OSBPL9: variants seen among roughly 807,000 people sequenced by gnomAD.
The protein encoded by OSBPL9 is oxysterol-binding protein-related protein 9.
In OSBPL9, 40 loss-of-function variants were observed where a neutral mutation model predicts 106.6. The ratio of observed to expected loss-of-function variants is 0.38; its 90% CI spans 0.29 to 0.49. OSBPL9 has a LOEUF of 0.49. Ranked by LOEUF, OSBPL9 falls within the 20% of genes least tolerant of loss-of-function variation. The probability of loss-of-function intolerance (pLI) is 0.97; values close to 1 mark genes in which losing one functional copy is unlikely to be tolerated. For missense variants in OSBPL9, 609 were observed against 887.2 expected (o/e 0.69, Z 3.98); for synonymous variants, 269 against 295.4 (o/e 0.91, Z 0.92).
intron 3 of OSBPL9, among the ~76,000 whole-genome samples, chr1:51,699,833 G>A (rs1656853817): frequency 6.6e-6 from 1 of 152,016 alleles, no homozygotes; most frequent in Non-Finnish European, 1.5e-5. Flanking sequence ...AAACATGAAT[G>A]TTACATACAT....
intron 1 of OSBPL9, among the ~76,000 whole-genome samples, chr1:51,621,028 T>C (rs1465422467): frequency 6.6e-6 from 1 of 152,138 alleles, no homozygotes; most frequent in Non-Finnish European, 1.5e-5. Flanking sequence ...GTGCCCAGCC[T>C]ATTATAGAAA....
At chr1:51,658,041 G>A (rs1177904339) in intron 2 of OSBPL9, among the ~76,000 whole-genome samples, 4 of 151,888 alleles carry the variant, frequency 2.6e-5, no homozygotes, top group African/African-American at 9.7e-5. Flanking sequence ...GCAGGAGGTC[G>A]AGGCTGCAGT....
chr1:51,760,917 C>A, intron 10 of OSBPL9, 137 bp downstream of exon 10: 2 of 871,350 alleles, frequency 2.3e-6, no homozygotes, highest in Non-Finnish European at 3.5e-6. Context: ...ATAATACAGC[C>A]AAAAGTGAAC....
chr1:51,679,653 T>G (rs1652074244), intron 3 of OSBPL9, among the ~76,000 whole-genome samples: 1 of 152,238 alleles, frequency 6.6e-6, no homozygotes, highest in Admixed American at 6.5e-5. Flanking sequence ...CACTTGGGTG[T>G]GAATCATCCT....
At chr1:51,677,077 A>C (rs1651421909) in intron 3 of OSBPL9, among the ~76,000 whole-genome samples, 1 of 152,222 alleles carries the variant, frequency 6.6e-6, no homozygotes, top group African/African-American at 2.4e-5. Context: ...AGATTCGTGC[A>C]CATGTTGGTC....
chr1:51,769,462 G>A (rs1673353136), intron 12 of OSBPL9, among the ~76,000 whole-genome samples: 1 of 152,224 alleles, frequency 6.6e-6, no homozygotes, highest in African/African-American at 2.4e-5. Flanking sequence ...ACCAGTCATT[G>A]AACCTCCGAG....
chr1:51,717,757 A>G (rs1022642620), intron 4 of OSBPL9, among the ~76,000 whole-genome samples: 1 of 151,872 alleles, frequency 6.6e-6, no homozygotes, highest in Non-Finnish European at 1.5e-5. Flanking sequence ...ATACACTATT[A>G]GTAGGAATGT....
intron 3 of OSBPL9, among the ~76,000 whole-genome samples, chr1:51,681,295 G>C (rs1652506120): frequency 6.6e-6 from 1 of 152,046 alleles, no homozygotes; most frequent in Non-Finnish European, 1.5e-5. Context: ...GTATAGGAGG[G>C]TATATTCTTA....
intron 1 of OSBPL9, among the ~76,000 whole-genome samples, chr1:51,584,589 G>T (rs1486036956): frequency 6.6e-6 from 1 of 152,146 alleles, no homozygotes; most frequent in African/African-American, 2.4e-5. Context: ...TGTGGTGGGT[G>T]CCTGTAATCC....
At chr1:51,573,749 G>A (rs1570522282), upstream of OSBPL9, among the ~76,000 whole-genome samples, 1 of 151,250 alleles carries the variant, frequency 6.6e-6, no homozygotes, top group African/African-American at 2.4e-5. Flanking sequence ...GGGAGGCGGA[G>A]GTTGCAGTGA....
In OSBPL9 at chr1:51,788,558, C is replaced by CACTT. The variant is rs1678254214; in HGVS notation, c.*770_*773dup. The CACTT allele has an allele frequency of 6.6e-6, 1 of 152,362 alleles. No homozygotes were observed. Among genetic ancestry groups the CACTT allele is most frequent in the Non-Finnish European group, 1.5e-5 (1 of 68,018 alleles). The allele number at this position is 152,362 out of a possible 1,614,324, so 9.4% of individuals were successfully genotyped here. A position where few individuals can be genotyped will look rare whatever the true frequency, so the allele number is the denominator to read the frequency against. On this transcript the variant is annotated 3_prime_UTR_variant, in exon 24 of 24. Transcript: ENST00000428468. ...CAAGAGCTAGCTTTTCAAAGAAAGA[C>CACTT]ACTTGAAATAATGGAGGATCCATTC...
At chr1:51,730,093 C>T in intron 4 of OSBPL9, 4 of 1,256,948 alleles carry the variant, frequency 3.2e-6, no homozygotes, top group Non-Finnish European at 4.0e-6. Context: ...GAATGTCGTG[C>T]TCACCCTGCC....
At chr1:51,633,053 T>A (rs1163542127) in intron 1 of OSBPL9, among the ~76,000 whole-genome samples, 1 of 151,882 alleles carries the variant, frequency 6.6e-6, no homozygotes, top group Non-Finnish European at 1.5e-5. Context: ...ACCTCCTGGG[T>A]TCAAGCAATT....
chr1:51,642,571 T>G (rs1285271997), intron 1 of OSBPL9, among the ~76,000 whole-genome samples: 1 of 152,078 alleles, frequency 6.6e-6, no homozygotes, highest in African/African-American at 2.4e-5. Context: ...CAAGGAAAAA[T>G]TATTTTTCTC....
intron 3 of OSBPL9, among the ~76,000 whole-genome samples, chr1:51,686,087 G>A (rs998992552): frequency 6.6e-6 from 1 of 151,966 alleles, no homozygotes; most frequent in Non-Finnish European, 1.5e-5. Context: ...TTCTTGGAGG[G>A]GATGATTGTA....
chr1:51,662,524 C>T (rs988394388), intron 2 of OSBPL9, among the ~76,000 whole-genome samples: 4 of 151,992 alleles, frequency 2.6e-5, no homozygotes, highest in East Asian at 1.9e-4. Context: ...AATTTCTACC[C>T]GATGGCTGCT....
At chr1:51,580,344 G>T (rs1335513054) in intron 1 of OSBPL9, among the ~76,000 whole-genome samples, 1 of 152,234 alleles carries the variant, frequency 6.6e-6, no homozygotes, top group Non-Finnish European at 1.5e-5. Flanking sequence ...ATTCTGTGCA[G>T]ATAGTAGGTG....
intron 4 of OSBPL9, 128 bp downstream of exon 4, chr1:51,714,207 T>A: frequency 1.6e-6 from 1 of 612,350 alleles, no homozygotes; most frequent in Non-Finnish European, 2.7e-6. Context: ...CTGAGTTGCT[T>A]ATTTTTCCTT....
chr1:51,559,016 C>G, the OSBPL9 span, among the ~76,000 whole-genome samples: 1 of 151,962 alleles, frequency 6.6e-6, no homozygotes, highest in African/African-American at 2.4e-5. Context: ...GTCACTTCCA[C>G]CAAAGAAAAA....
Sources: allele counts gnomAD v4.1 joint callset (sites outside exome capture counted in the v4.1 genomes callset), GRCh38; gene constraint gnomAD v4.1.1; transcripts MANE v1.5; gene names NCBI Gene and HGNC (gene_info 2026-07-23, HGNC 2026-07-21).